MITF: variants seen among roughly 807,000 people sequenced by gnomAD.
MITF encodes microphthalmia-associated transcription factor.
A neutral mutation model predicts 60.5 loss-of-function variants in MITF; 17 were observed. The ratio of observed to expected loss-of-function variants is 0.28; its 90% CI spans 0.19 to 0.42. The LOEUF (loss-of-function observed/expected upper bound fraction) is 0.42. MITF is among the 10% of genes least tolerant of loss of function. MITF has a pLI of 1.00. For missense variants in MITF, 622 were observed against 683.5 expected, an observed-to-expected ratio of 0.91 and a Z score of 1.00; for synonymous variants, 260 against 248.5, an observed-to-expected ratio of 1.05 and a Z score of -0.43.
chr3:69,904,137 G>A (rs2065049896), intron 2 of MITF, among the ~76,000 whole-genome samples: 1 of 151,822 alleles, frequency 6.6e-6, no homozygotes, highest in Non-Finnish European at 1.5e-5. Flanking sequence ...ATTAATTATT[G>A]CCTCCCTTTG....
chr3:69,910,749 GAACAGCTGT>G (rs1324694841), intron 2 of MITF, among the ~76,000 whole-genome samples: 1 of 152,116 alleles, frequency 6.6e-6, no homozygotes, highest in African/African-American at 2.4e-5. Context: ...ATCCCATTTG[GAACAGCTGT>G]ATTTACCCAG....
chr3:69,799,218 A>G (rs989981786), intron 1 of MITF, among the ~76,000 whole-genome samples: 1 of 152,204 alleles, frequency 6.6e-6, no homozygotes, highest in Admixed American at 6.5e-5. Flanking sequence ...GAGAATGCAT[A>G]GTGAGAAGGC....
intron 2 of MITF, among the ~76,000 whole-genome samples, chr3:69,932,210 T>C (rs1000031722): frequency 6.6e-6 from 1 of 152,192 alleles, no homozygotes; most frequent in East Asian, 1.9e-4. Context: ...TTTTAGGCCT[T>C]GGGGGCCCTG....
At position 69,951,843 on chromosome 3, in the gene MITF, A is replaced by C; in HGVS notation, c.912A>C (p.Arg304Ser). 6.2e-7 allele frequency: 1 copy of C among 1,613,656 alleles called. No individual in the cohort carries two copies. Among genetic ancestry groups the C allele is most frequent in the Non-Finnish European group, 8.5e-7 (1 of 1,179,734 alleles). ...TTTTTCCCACAGAGTCTGAAGCAAG[A>C]GCACTGGCCAAAGAGAGGCAGAAAA... ...ACIFPTESEARALAKERQKKD... is the reference protein window; with the variant it reads ...ACIFPTESEASALAKERQKKD... The change falls in exon 7 of 10, where the codon AGA becomes AGC. Residue 304 changes from arginine (R) to serine (S), a missense_variant. Coordinates refer to ENST00000352241, the MANE Select transcript of MITF (RefSeq NM_001354604.2).
intron 4 of MITF, among the ~76,000 whole-genome samples, chr3:69,940,832 G>A (rs927625924): frequency 5.3e-5 from 8 of 152,176 alleles, no homozygotes; most frequent in African/African-American, 1.7e-4. Flanking sequence ...GTGAAAGCAT[G>A]GGTTAAATTG....
chr3:69,906,836 A>AT (rs1250454598), intron 2 of MITF, among the ~76,000 whole-genome samples: 6 of 152,132 alleles, frequency 3.9e-5, no homozygotes, highest in Non-Finnish European at 5.9e-5. Context: ...CTAGCAACCT[A>AT]TAGACTGTTG....
chr3:69,802,683 C>CTCT (rs2062940676), intron 1 of MITF, among the ~76,000 whole-genome samples: 1 of 66,212 alleles, frequency 1.5e-5, no homozygotes, highest in African/African-American at 6.6e-5. Flanking sequence ...AGTCCATATT[C>CTCT]TTTTTTTTTT....
chr3:69,892,902 A>G (rs1044778025), intron 2 of MITF, among the ~76,000 whole-genome samples: 3 of 152,054 alleles, frequency 2.0e-5, no homozygotes, highest in African/African-American at 7.2e-5. Context: ...CTTTTTTTGT[A>G]TTGGTTTTCT....
chr3:69,789,570 C>T (rs1029893587), intron 1 of MITF, among the ~76,000 whole-genome samples: 1 of 152,044 alleles, frequency 6.6e-6, no homozygotes, highest in Non-Finnish European at 1.5e-5. Flanking sequence ...CGGAAAGGAG[C>T]ATAGAGGTTC....
chr3:69,954,343 A>C (rs1258365126), intron 7 of MITF, among the ~76,000 whole-genome samples: 3 of 152,244 alleles, frequency 2.0e-5, no homozygotes, highest in African/African-American at 7.2e-5. Flanking sequence ...AATGGGATAC[A>C]TGAATATGGG....
At chr3:69,907,738 T>C (rs749799226) in intron 2 of MITF, among the ~76,000 whole-genome samples, 1 of 152,164 alleles carries the variant, frequency 6.6e-6, no homozygotes, top group Non-Finnish European at 1.5e-5. Context: ...TTCAGTAGTC[T>C]GAGGCTTTCC....
At chr3:69,918,232 A>G (rs1482951442) in intron 2 of MITF, among the ~76,000 whole-genome samples, 3 of 151,646 alleles carry the variant, frequency 2.0e-5, no homozygotes, top group Non-Finnish European at 2.9e-5. Context: ...GCCTCGCTAA[A>G]TTTTTTGTTT....
chr3:69,906,732 C>A (rs2065108141), intron 2 of MITF, among the ~76,000 whole-genome samples: 1 of 152,090 alleles, frequency 6.6e-6, no homozygotes. Context: ...CTGGTAGATT[C>A]TGAAGTGGAT....
In MITF at chr3:69,952,485, A is replaced by AT. The variant is rs1559745647; in HGVS notation, c.955+606dup. On this transcript the variant is annotated intron_variant, in intron 7 of 9. Coordinates refer to ENST00000352241, the MANE Select transcript of MITF (RefSeq NM_001354604.2). Reference sequence around the variant, plus strand: ...TAAACATGTAAGACAAGTTGCACAGATTTTTTTAAAAAGGGATTGGGCTTG... The same window carrying AT: ...TAAACATGTAAGACAAGTTGCACAGATTTTTTTTAAAAAGGGATTGGGCTTG... Among the ~76,000 whole-genome samples the AT allele has an allele frequency of 2.0e-5, 3 of 152,270 alleles. No individual in the cohort carries two copies. In the South Asian group the frequency reaches 6.2e-4, roughly 32 times the overall value.
intron 9 of MITF, among the ~76,000 whole-genome samples, chr3:69,959,868 G>A (rs867224505): frequency 6.6e-6 from 1 of 152,200 alleles, no homozygotes; most frequent in Non-Finnish European, 1.5e-5. Context: ...CAAGAAGGCC[G>A]TGATGTGCTT....
intron 2 of MITF, among the ~76,000 whole-genome samples, chr3:69,892,699 G>T (rs535929184): frequency 6.6e-6 from 1 of 152,266 alleles, no homozygotes; most frequent in East Asian, 1.9e-4. Context: ...ATTGGATTTA[G>T]ATAAATGGTA....
In MITF at chr3:69,855,594, C is replaced by T. The variant is rs543173626; in HGVS notation, c.105-23540C>T. On this transcript the variant is annotated intron_variant, in intron 1 of 9. Transcript: ENST00000352241. ...TCAAGTACAACACAAAACCTGCTCA[C>T]GAATCCCAAAGCATTATAAAGCTGG... Among the ~76,000 whole-genome samples the T allele has an allele frequency of 2.5e-4, 38 of 151,286 alleles. No homozygotes were observed. The South Asian group carries it at 7.6e-3, about 30-fold the overall frequency.
chr3:69,939,082 G>C lies in MITF; in HGVS notation c.583-16G>C, dbSNP rs2065908762. 4 of 1,613,382 alleles carry C rather than the reference G, an allele frequency of 2.5e-6. No individual in the cohort carries two copies. The highest frequency in any genetic ancestry group is 3.4e-6 in the Non-Finnish European group (4 of 1,179,710). ...CAAATCCAAGTTATAGACTGTTTTT[G>C]CTTGTGTTTTTGCAGGGATTTTATA... is the stretch of plus-strand genomic sequence containing the variant. On this transcript the variant is annotated splice_polypyrimidine_tract_variant and intron_variant, in intron 3 of 9. Coordinates refer to ENST00000352241, the MANE Select transcript of MITF (RefSeq NM_001354604.2).
At chr3:69,865,386 A>G (rs2064093638) in intron 1 of MITF, among the ~76,000 whole-genome samples, 1 of 152,154 alleles carries the variant, frequency 6.6e-6, no homozygotes, top group African/African-American at 2.4e-5. Flanking sequence ...CATACATACA[A>G]TATTTTCACA....
Sources: allele counts gnomAD v4.1 joint callset (sites outside exome capture counted in the v4.1 genomes callset), GRCh38; gene constraint gnomAD v4.1.1; transcripts MANE v1.5; gene names NCBI Gene and HGNC (gene_info 2026-07-23, HGNC 2026-07-21).